RNASET2: variants seen among roughly 807,000 people sequenced by gnomAD.
RNASET2 encodes the protein ribonuclease T2.
Under a neutral mutation model 33.9 loss-of-function variants are expected in RNASET2, and 28 were observed. That is an observed-to-expected ratio of 0.83 (90% CI 0.61 to 1.13). The LOEUF is 1.13. Ranked by LOEUF, RNASET2 falls within the 50% of genes most tolerant of loss-of-function variation. The pLI is 0.00. For synonymous variants in RNASET2, 123 were observed against 121.0 expected, an observed-to-expected ratio of 1.02 and a Z score of -0.11; for missense variants, 330 against 319.9, an observed-to-expected ratio of 1.03 and a Z score of -0.24.
chr6:166,925,042 C>A lies in RNASET2; in HGVS notation c.*4546G>T, dbSNP rs1311523048. Among the ~76,000 whole-genome samples, 1 of 152,008 alleles carries A rather than the reference C, an allele frequency of 6.6e-6. No homozygotes were observed. Among genetic ancestry groups the A allele is most frequent in the Non-Finnish European group, 1.5e-5 (1 of 67,988 alleles). ...CCTCACCCACAGTGTCCAGACCTCA[C>A]TTCTCCCACCCAGGCCTCTACCCAG... On this transcript the variant is annotated 3_prime_UTR_variant, in exon 9 of 9. Coordinates refer to ENST00000508775, the MANE Select transcript of RNASET2 (RefSeq NM_003730.6).
At chr6:166,955,750 A>G in intron 1 of RNASET2, 1 of 1,175,982 alleles carries the variant, frequency 8.5e-7, no homozygotes, top group Non-Finnish European at 1.1e-6. Flanking sequence ...ACTTCTTCCC[A>G]GGAGTCACCC....
At position 166,933,726 on chromosome 6, in the gene RNASET2, A is replaced by G. The variant is rs758328814; in HGVS notation, c.492+365T>C. On this transcript the variant is annotated intron_variant, in intron 7 of 8. Coordinates refer to ENST00000508775, the MANE Select transcript of RNASET2 (RefSeq NM_003730.6). The surrounding 1 kb of genome is among the most constrained non-coding windows in gnomAD (Gnocchi z 4.1). ...TTAAATATCTATAGTTTCTTTTATC[A>G]TAAAACAAATCACAATTTTATCATG... The G allele has an allele frequency of 7.1e-6, 2 of 282,324 alleles. No homozygotes were observed. Among genetic ancestry groups the G allele is most frequent in the Non-Finnish European group, 1.3e-5 (2 of 149,648 alleles). 17.5% of individuals were successfully genotyped at this position (282,324 alleles called of 1,614,324 possible).
In RNASET2 at chr6:166,925,703, G is replaced by C. The variant is rs996658911; in HGVS notation, c.*3885C>G. On this transcript the variant is annotated 3_prime_UTR_variant, in exon 9 of 9. Coordinates refer to ENST00000508775, the MANE Select transcript of RNASET2 (RefSeq NM_003730.6). ...GAAGAGGCCCTGGTCCCTGGGCGTG[G>C]AGGCGCAGAGCCACCCAGGACTGCA... Among the ~76,000 whole-genome samples, 1 of 152,178 alleles carries C rather than the reference G, an allele frequency of 6.6e-6. No homozygotes were observed. Among genetic ancestry groups the C allele is most frequent in the Admixed American group, 6.5e-5 (1 of 15,290 alleles).
In RNASET2 at chr6:166,938,876, G is replaced by T; in HGVS notation, c.446+19C>A. ...GAGATCCCCACTGGGAAGTGCAGCC[G>T]GGGGAAGGGCGCACCCACCTGTTGA... On this transcript the variant is annotated intron_variant, in intron 6 of 8. Coordinates refer to ENST00000508775, the MANE Select transcript of RNASET2 (RefSeq NM_003730.6). The T allele has an allele frequency of 6.4e-7, 1 of 1,550,408 alleles. No individual in the cohort carries two copies. The highest frequency in any genetic ancestry group is 8.9e-7 in the Non-Finnish European group (1 of 1,121,778).
intron 5 of RNASET2, among the ~76,000 whole-genome samples, chr6:166,940,491 A>C (rs1778669219): frequency 6.6e-6 from 1 of 152,326 alleles, no homozygotes; most frequent in African/African-American, 2.4e-5. Context: ...TAGAAAAAGG[A>C]GATTATTTTA....
At chr6:166,955,279 A>C (rs1231045016) in intron 1 of RNASET2, among the ~76,000 whole-genome samples, 4 of 76,202 alleles carry the variant, frequency 5.2e-5, no homozygotes, top group African/African-American at 7.6e-5. Context: ...ACGCGCACAC[A>C]CGACACACAC....
At position 166,955,266 on chromosome 6, in the gene RNASET2, CACACGCGCACACACGACACACACGCACAG is replaced by C. The variant is rs1286694004; in HGVS notation, c.86+802_86+830del. 4.1e-3 allele frequency among the ~76,000 whole-genome samples: 386 copies of C among 93,296 alleles called. 1 individual carries two copies. The highest frequency in any genetic ancestry group is 5.3e-3 in the Middle Eastern group (1 of 188). The allele number at this position is 93,296 out of a possible 152,430, so 61.2% of individuals were successfully genotyped here. A position where few individuals can be genotyped will look rare whatever the true frequency, so the allele number is the denominator to read the frequency against. Reference sequence around the variant, plus strand: ...ACACACACGCACACACGCACACACACACACGCGCACACACGACACACACGCACAGACGCGCACACACGACACACACGCAC... The same window carrying C: ...ACACACACGCACACACGCACACACACACGCGCACACACGACACACACGCAC... On this transcript the variant is annotated intron_variant, in intron 1 of 8. Transcript: ENST00000508775.
At chr6:166,952,680 G>A in intron 1 of RNASET2, 132 bp from the exon 2 acceptor site, 1 of 738,640 alleles carries the variant, frequency 1.4e-6, no homozygotes, top group Non-Finnish European at 2.4e-6. Flanking sequence ...TGCCTGCCCT[G>A]CTGCTGCACA....
chr6:166,935,227 AT>A (rs749887296), intron 6 of RNASET2: 12 of 148,642 alleles, frequency 8.1e-5, no homozygotes, highest in East Asian at 2.0e-4. Context: ...AAAAAAAAAA[AT>A]GTAAACTAGC....
intron 2 of RNASET2, among the ~76,000 whole-genome samples, chr6:166,949,517 A>G (rs1459955275): frequency 1.3e-5 from 2 of 151,544 alleles, no homozygotes; most frequent in Non-Finnish European, 1.5e-5. Flanking sequence ...AAAAAAAAAA[A>G]AAAAAAAAGA....
intron 6 of RNASET2, among the ~76,000 whole-genome samples, chr6:166,935,490 A>C (rs1778544972): frequency 6.6e-6 from 1 of 152,178 alleles, no homozygotes. Context: ...ACCCAGCATC[A>C]TGCTTTCTGC....
chr6:166,949,559 A>G (rs533088005), intron 2 of RNASET2, among the ~76,000 whole-genome samples: 92 of 151,964 alleles, frequency 6.1e-4, no homozygotes, highest in African/African-American at 2.2e-3. Context: ...TCTGAGCCAG[A>G]TAAGTGAAAC....
intron 7 of RNASET2, chr6:166,931,843 A>G (rs941193339): frequency 1.3e-5 from 2 of 153,450 alleles, no homozygotes; most frequent in African/African-American, 4.8e-5. Flanking sequence ...CACTCCTTCC[A>G]CGAAGCTCTC....
rs1583208859 is a variant in RNASET2 at position 166,924,673 on chromosome 6, GCTC to G, written c.*4912_*4914del. On this transcript the variant is annotated 3_prime_UTR_variant, in exon 9 of 9. Transcript: ENST00000508775. ...TACCAGCATCAAATGCACCAGCTAT[GCTC>G]CTCTTTTCCCTTGCCGTCTGTTGCC... Among the ~76,000 whole-genome samples, 1 of 152,158 alleles carries G rather than the reference GCTC, an allele frequency of 6.6e-6. No homozygotes were observed. The highest frequency in any genetic ancestry group is 2.4e-5 in the African/African-American group (1 of 41,428).
chr6:166,955,147 GT>G (rs1779076113), intron 1 of RNASET2, among the ~76,000 whole-genome samples: 1 of 151,754 alleles, frequency 6.6e-6, no homozygotes, highest in Non-Finnish European at 1.5e-5. Flanking sequence ...AGCACCGCCT[GT>G]TTACCCCTAA....
intron 3 of RNASET2, among the ~76,000 whole-genome samples, chr6:166,948,047 T>C (rs924738377): frequency 3.3e-5 from 5 of 152,102 alleles, no homozygotes; most frequent in African/African-American, 7.2e-5. Context: ...GTAAACACTA[T>C]TTTAAAAAGT....
intron 2 of RNASET2, 117 bp downstream of exon 2, chr6:166,952,371 A>G: frequency 1.1e-6 from 1 of 902,988 alleles, no homozygotes; most frequent in Non-Finnish European, 1.9e-6. Context: ...CCCACCCGCC[A>G]GAGCGATGCC....
intron 7 of RNASET2, 145 bp from the exon 8 acceptor site, chr6:166,931,263 C>G (rs955297507): frequency 1.4e-6 from 1 of 697,872 alleles, no homozygotes; most frequent in East Asian, 2.6e-5. Flanking sequence ...GAGAATGATG[C>G]CCCCACCTCC....
chr6:166,955,185 A>ACACACG (rs1554269950), intron 1 of RNASET2, among the ~76,000 whole-genome samples: 3 of 113,406 alleles, frequency 2.6e-5, no homozygotes, highest in African/African-American at 1.2e-4. Flanking sequence ...CCACACACAC[A>ACACACG]CACGCACACA....
Sources: gnomAD v4.1 joint callset for allele counts (sites outside exome capture counted in the v4.1 genomes callset) on GRCh38, gnomAD v4.1.1 for gene constraint, Gnocchi (gnomAD v3.1) non-coding constraint, MANE v1.5 for transcripts, NCBI Gene and HGNC (gene_info 2026-07-23, HGNC 2026-07-21) for gene names.